GRID2: variants seen among roughly 807,000 people sequenced by gnomAD.
GRID2 encodes glutamate receptor ionotropic, delta-2.
In GRID2, 33 loss-of-function variants were observed where a neutral mutation model predicts 114.8. That is an observed-to-expected ratio of 0.29 (90% confidence interval 0.22 to 0.38). GRID2 has a LOEUF of 0.38. Ranked by LOEUF, GRID2 falls within the 10% of genes least tolerant of loss-of-function variation. The pLI is 1.00. For missense variants in GRID2, 1,184 were observed against 1,257.7 expected (o/e 0.94, Z 0.89); for synonymous variants, 505 against 449.9 (o/e 1.12, Z -1.55).
chr4:92,361,863 C>G (rs1728635723), intron 1 of GRID2, among the ~76,000 whole-genome samples: 2 of 152,106 alleles, frequency 1.3e-5, no homozygotes, highest in South Asian at 4.1e-4. Flanking sequence ...CCTTTTAATG[C>G]AGCTTCCTCT....
At chr4:93,370,487 A>G (rs1220272108) in intron 8 of GRID2, among the ~76,000 whole-genome samples, 7 of 148,056 alleles carry the variant, frequency 4.7e-5, no homozygotes, top group Non-Finnish European at 7.4e-5. Flanking sequence ...ACACACACAC[A>G]CACGCACACA....
At chr4:92,951,283 A>G (rs769095742) in intron 2 of GRID2, among the ~76,000 whole-genome samples, 1 of 152,000 alleles carries the variant, frequency 6.6e-6, no homozygotes, top group Non-Finnish European at 1.5e-5. Context: ...ACTTAACAAT[A>G]GATTTTATGT....
intron 10 of GRID2, among the ~76,000 whole-genome samples, chr4:93,450,600 A>G (rs1431696801): frequency 1.3e-5 from 2 of 151,848 alleles, no homozygotes; most frequent in Non-Finnish European, 2.9e-5. Flanking sequence ...TTCAGTGATT[A>G]TATTGCTTAT....
At chr4:92,882,250 G>T (rs1308367404) in intron 2 of GRID2, among the ~76,000 whole-genome samples, 5 of 152,142 alleles carry the variant, frequency 3.3e-5, no homozygotes, top group Non-Finnish European at 7.4e-5. Flanking sequence ...GCTGCAATAT[G>T]GTTTGATTAT....
Position 92,937,258 on chromosome 4 carries a change from A to G in GRID2, c.245-147737A>G, listed in dbSNP as rs947918490. Among the ~76,000 whole-genome samples the G allele has an allele frequency of 4.1e-5, 6 of 146,618 alleles. 2 individuals are homozygous for G. Among genetic ancestry groups the G allele is most frequent in the Non-Finnish European group, 7.5e-5 (5 of 66,270 alleles). On this transcript the variant is annotated intron_variant, in intron 2 of 15. Transcript: ENST00000282020. ...CTTTCGGTGTCAGATCTGAGATATT[A>G]TTACCAAATCCAAGGTCATAGAGAT...
At chr4:93,437,564 T>A (rs2200376) in intron 10 of GRID2, among the ~76,000 whole-genome samples, 70,441 of 151,902 alleles carry the variant, frequency 0.46, 17,593 homozygotes, top group East Asian at 0.69. Flanking sequence ...AGAGAAAGAT[T>A]TGGGGTGAGA....
At chr4:93,385,727 T>A (rs1253591179) in intron 8 of GRID2, among the ~76,000 whole-genome samples, 1 of 150,840 alleles carries the variant, frequency 6.6e-6, no homozygotes, top group African/African-American at 2.5e-5. Flanking sequence ...TAAAAAAAAA[T>A]TCACAAAATA....
At chr4:92,450,743 A>G (rs572052953) in intron 1 of GRID2, among the ~76,000 whole-genome samples, 1 of 151,100 alleles carries the variant, frequency 6.6e-6, no homozygotes, top group African/African-American at 2.4e-5. Flanking sequence ...CTCTTTCTTT[A>G]TGTTGATCTG....
At chr4:92,496,490 A>G (rs1229541481) in intron 1 of GRID2, among the ~76,000 whole-genome samples, 23 of 151,938 alleles carry the variant, frequency 1.5e-4, no homozygotes, top group Admixed American at 1.5e-3. Context: ...AAAAGTTGGA[A>G]AATCATCACT....
chr4:93,343,429 T>G (rs2149249662), intron 8 of GRID2, among the ~76,000 whole-genome samples: 1 of 152,194 alleles, frequency 6.6e-6, no homozygotes, highest in South Asian at 2.1e-4. Flanking sequence ...TTTCAACTTG[T>G]TTTCCACTTT....
intron 14 of GRID2, among the ~76,000 whole-genome samples, chr4:93,684,838 C>A (rs1725930499): frequency 6.6e-6 from 1 of 152,008 alleles, no homozygotes; most frequent in Admixed American, 6.6e-5. Flanking sequence ...AAATGGGGCT[C>A]TGTGAAGACT....
At chr4:92,717,234 C>G (rs1276783353) in intron 2 of GRID2, among the ~76,000 whole-genome samples, 1 of 152,152 alleles carries the variant, frequency 6.6e-6, no homozygotes, top group African/African-American at 2.4e-5. Context: ...CTGAGACTAT[C>G]ATAAGGCAAT....
At chr4:92,308,951 A>G (rs1027765998) in intron 1 of GRID2, among the ~76,000 whole-genome samples, 5 of 152,076 alleles carry the variant, frequency 3.3e-5, no homozygotes, top group Non-Finnish European at 7.4e-5. Flanking sequence ...TGTATCATTA[A>G]TACAGTTATT....
At chr4:93,321,818 T>C (rs979852985) in intron 8 of GRID2, among the ~76,000 whole-genome samples, 6 of 151,982 alleles carry the variant, frequency 3.9e-5, no homozygotes, top group Admixed American at 6.6e-5. Flanking sequence ...AGTTCTACAA[T>C]TGACATCTTT....
At chr4:92,924,618 C>G (rs1045253323) in intron 2 of GRID2, among the ~76,000 whole-genome samples, 10 of 152,130 alleles carry the variant, frequency 6.6e-5, no homozygotes, top group Non-Finnish European at 1.0e-4. Context: ...CCATGCCATG[C>G]TGTTGCATGA....
At chr4:93,629,315 T>A (rs2149695262) in intron 14 of GRID2, among the ~76,000 whole-genome samples, 1 of 152,126 alleles carries the variant, frequency 6.6e-6, no homozygotes, top group South Asian at 2.1e-4. Flanking sequence ...TTCTGTGGAG[T>A]TTCTTGGTAA....
At chr4:93,804,790 C>T (rs1364622299) in intron 1 of GRID2, among the ~76,000 whole-genome samples, 1 of 152,176 alleles carries the variant, frequency 6.6e-6, no homozygotes, top group Non-Finnish European at 1.5e-5. Flanking sequence ...GCCTAGCCAT[C>T]CCATAAAACC....
chr4:92,992,829 G>T lies in GRID2; in HGVS notation c.245-92166G>T, dbSNP rs142708220. The stretch of plus-strand genomic sequence containing the variant: ...TGAGATGCCTTTCAGAATTTTTCAC[G>T]TTTCCTGCTGCTGTCTGCCTTTTCT... On this transcript the variant is annotated intron_variant, in intron 2 of 15. Coordinates refer to ENST00000282020, the MANE Select transcript of GRID2 (RefSeq NM_001510.4). Among the ~76,000 whole-genome samples, 5 of 152,110 alleles carry T rather than the reference G, an allele frequency of 3.3e-5. No homozygotes were observed. In the East Asian group the frequency reaches 9.7e-4, roughly 29 times the overall value.
intron 8 of GRID2, among the ~76,000 whole-genome samples, chr4:93,335,687 CTTCT>C (rs1428417596): frequency 8.5e-6 from 1 of 118,080 alleles, no homozygotes; most frequent in Non-Finnish European, 1.7e-5. Context: ...CTCTTTCTTT[CTTCT>C]TTCTTTTTTT....
Sources: allele counts gnomAD v4.1 joint callset (sites outside exome capture counted in the v4.1 genomes callset), GRCh38; gene constraint gnomAD v4.1.1; transcripts MANE v1.5; gene names NCBI Gene and HGNC (gene_info 2026-07-23, HGNC 2026-07-21).